The following CPPED1 variants were observed in gnomAD, a reference collection of about 807,000 sequenced individuals.
CPPED1 encodes the protein serine/threonine-protein phosphatase CPPED1.
A neutral mutation model predicts 28.0 loss-of-function variants in CPPED1; 28 were observed. The ratio of observed to expected loss-of-function variants is 1.00; its 90% CI spans 0.74 to 1.37. The LOEUF is 1.37. CPPED1 is among the 40% of genes most tolerant of loss of function. The pLI is 0.00. For synonymous variants in CPPED1, 198 were observed against 180.2 expected (o/e 1.10, Z -0.79); for missense variants, 504 against 416.5 (o/e 1.21, Z -1.83).
intron 2 of CPPED1, among the ~76,000 whole-genome samples, chr16:12,727,193 G>A (rs1273852724): frequency 1.3e-5 from 2 of 152,110 alleles, no homozygotes; most frequent in African/African-American, 4.8e-5. Context: ...GACACTGTTG[G>A]AATGTCTCCA....
chr16:12,695,491 G>A (rs180965281), intron 3 of CPPED1, among the ~76,000 whole-genome samples: 8 of 152,154 alleles, frequency 5.3e-5, no homozygotes, highest in Non-Finnish European at 8.8e-5. Context: ...GGCTAGTCTC[G>A]AACTCTTAGG....
chr16:12,746,813 G>T (rs1354465685), intron 2 of CPPED1, among the ~76,000 whole-genome samples: 1 of 152,136 alleles, frequency 6.6e-6, no homozygotes, highest in Non-Finnish European at 1.5e-5. Flanking sequence ...AAAGTGGGGT[G>T]ATATCGCTTG....
rs1389170961 is a variant in CPPED1, at chr16:12,787,415, T to C, written c.71-6012A>G. ...AATGAATTTTTCTTTCTTTTTTTTT[T>C]TTTTTTTTGAGATGGAGTCTCACTC... On this transcript the variant is annotated intron_variant, in intron 1 of 3. Transcript: ENST00000381774. Among the ~76,000 whole-genome samples the C allele has an allele frequency of 4.0e-5, 6 of 151,312 alleles. No homozygotes were observed. In the East Asian group the frequency reaches 9.7e-4, roughly 24 times the overall value.
At chr16:12,795,344 T>G (rs1402480777) in intron 1 of CPPED1, among the ~76,000 whole-genome samples, 1 of 151,622 alleles carries the variant, frequency 6.6e-6, no homozygotes, top group South Asian at 2.1e-4. Context: ...GGTGTAGTCA[T>G]GCAACTTTTT....
intron 1 of CPPED1, among the ~76,000 whole-genome samples, chr16:12,787,549 G>A (rs895046541): frequency 6.6e-6 from 1 of 151,738 alleles, no homozygotes; most frequent in Non-Finnish European, 1.5e-5. Context: ...GGATTATACA[G>A]GCATGTGCCA....
At position 12,793,387 on chromosome 16, in the gene CPPED1, G is replaced by A. The variant is rs376349088; in HGVS notation, c.70+10320C>T. 3.3e-5 allele frequency among the ~76,000 whole-genome samples: 5 copies of A among 152,248 alleles called. No individual in the cohort carries two copies. The South Asian group carries it at 8.3e-4, about 25-fold the overall frequency. On this transcript the variant is annotated intron_variant, in intron 1 of 3. Transcript: ENST00000381774. ...GGAGCGGGAGGCGGGGATAGACCAT[G>A]CTGACAACAGACTTTGGGCCTCTAT...
chr16:12,724,483 C>T (rs2080159005), intron 2 of CPPED1, among the ~76,000 whole-genome samples: 1 of 152,176 alleles, frequency 6.6e-6, no homozygotes, highest in Non-Finnish European at 1.5e-5. Context: ...GCTCTTTCAG[C>T]TGTCACCAGC....
intron 1 of CPPED1, among the ~76,000 whole-genome samples, chr16:12,795,594 C>G (rs2080622842): frequency 6.6e-6 from 1 of 152,148 alleles, no homozygotes; most frequent in African/African-American, 2.4e-5. Context: ...CTCGCCTCAG[C>G]CTCCCAAAGT....
intron 2 of CPPED1, among the ~76,000 whole-genome samples, chr16:12,708,517 C>A (rs963937475): frequency 1.3e-5 from 2 of 152,224 alleles, no homozygotes; most frequent in Non-Finnish European, 2.9e-5. Flanking sequence ...TTTTTATCAG[C>A]GACCCACTGT....
At chr16:12,763,146 T>G (rs569952293) in intron 2 of CPPED1, among the ~76,000 whole-genome samples, 34 of 151,210 alleles carry the variant, frequency 2.2e-4, no homozygotes, top group African/African-American at 8.0e-4. Context: ...GCAGGAGAAT[T>G]GCTTAAACCT....
chr16:12,716,987 A>C (rs1237251883), intron 2 of CPPED1, among the ~76,000 whole-genome samples: 1 of 152,132 alleles, frequency 6.6e-6, no homozygotes, highest in African/African-American at 2.4e-5. Flanking sequence ...TTCCCAGAAG[A>C]AGCAACATTC....
intron 1 of CPPED1, among the ~76,000 whole-genome samples, 198 bp downstream of exon 1, chr16:12,803,509 C>G (rs2080673323): frequency 6.6e-6 from 1 of 152,234 alleles, no homozygotes; most frequent in South Asian, 2.1e-4. Context: ...TAGACCAGAT[C>G]GCTCTCTCGG....
intron 1 of CPPED1, among the ~76,000 whole-genome samples, chr16:12,787,064 G>A (rs539419662): frequency 2.0e-5 from 3 of 152,190 alleles, no homozygotes; most frequent in African/African-American, 7.2e-5. Flanking sequence ...ATACATACAC[G>A]TTTTCCAGTG....
intron 3 of CPPED1, among the ~76,000 whole-genome samples, chr16:12,681,450 CT>C (rs1403810623): frequency 6.6e-6 from 1 of 152,138 alleles, no homozygotes; most frequent in East Asian, 1.9e-4. Flanking sequence ...AATCTCTGTT[CT>C]TTATAAATTA....
chr16:12,669,191 C>T (rs943462385), intron 3 of CPPED1, among the ~76,000 whole-genome samples: 1 of 151,936 alleles, frequency 6.6e-6, no homozygotes, highest in African/African-American at 2.4e-5. Flanking sequence ...TGTAGATGCA[C>T]CTTAAAAATA....
At chr16:12,710,858 G>C (rs2080076355) in intron 2 of CPPED1, among the ~76,000 whole-genome samples, 1 of 152,210 alleles carries the variant, frequency 6.6e-6, no homozygotes, top group Non-Finnish European at 1.5e-5. Context: ...TGAGGATGTG[G>C]AGAAAATGGA....
At chr16:12,802,018 T>C (rs1319744020) in intron 1 of CPPED1, among the ~76,000 whole-genome samples, 1 of 152,050 alleles carries the variant, frequency 6.6e-6, no homozygotes, top group Non-Finnish European at 1.5e-5. Flanking sequence ...ACTGCAAGAA[T>C]AAATACAGCT....
intron 2 of CPPED1, among the ~76,000 whole-genome samples, chr16:12,752,678 TA>T (rs1177355752): frequency 6.8e-6 from 1 of 147,244 alleles, no homozygotes; most frequent in East Asian, 1.9e-4. Context: ...TATATATTTA[TA>T]TATATAAAAT....
chr16:12,733,274 ATTT>A (rs11463007), intron 2 of CPPED1, among the ~76,000 whole-genome samples: 3 of 139,254 alleles, frequency 2.2e-5, no homozygotes, highest in Non-Finnish European at 1.5e-5. Flanking sequence ...CGAATTAGGA[ATTT>A]TTTTTTTTTT....
Sources: gnomAD v4.1 joint callset for allele counts (sites outside exome capture counted in the v4.1 genomes callset) on GRCh38, gnomAD v4.1.1 for gene constraint, MANE v1.5 for transcripts, NCBI Gene and HGNC (gene_info 2026-07-23, HGNC 2026-07-21) for gene names.